The following STRIP2 variants were observed in gnomAD, a reference collection of about 807,000 sequenced individuals.
STRIP2 encodes striatin interacting protein 2.
STRIP2 carries 84 observed loss-of-function variants against 107.1 expected under a neutral mutation model. The ratio of observed to expected loss-of-function variants is 0.78; its 90% CI spans 0.66 to 0.94. The LOEUF (loss-of-function observed/expected upper bound fraction) is 0.94. Ranked by LOEUF, STRIP2 falls within the 40% of genes least tolerant of loss-of-function variation. The pLI is 0.00. For synonymous variants in STRIP2, 394 were observed against 400.4 expected (o/e 0.98, Z 0.19); for missense variants, 888 against 1,034.2 (o/e 0.86, Z 1.94).
At chr7:129,464,009 G>T in intron 14 of STRIP2, 35 bp from the exon 15 acceptor site, 2 of 1,560,074 alleles carry the variant, frequency 1.3e-6, no homozygotes, top group South Asian at 2.2e-5. Flanking sequence ...GAGTGGGTTT[G>T]ACAGTGGTAA....
chr7:129,456,101 A>G (rs1011449583), intron 8 of STRIP2, among the ~76,000 whole-genome samples: 3 of 143,126 alleles, frequency 2.1e-5, no homozygotes, highest in Admixed American at 1.4e-4. Flanking sequence ...CTGGGGGTTT[A>G]TAGCACCTGG....
chr7:129,480,485 T>C (rs1458125498), intron 18 of STRIP2, among the ~76,000 whole-genome samples: 1 of 152,236 alleles, frequency 6.6e-6, no homozygotes, highest in Non-Finnish European at 1.5e-5. Context: ...TTCTCTCATC[T>C]CTTTTCTGAT....
intron 2 of STRIP2, among the ~76,000 whole-genome samples, chr7:129,442,903 A>G (rs939704469): frequency 5.3e-5 from 8 of 152,216 alleles, no homozygotes; most frequent in African/African-American, 1.9e-4. Flanking sequence ...CAGAGATTTA[A>G]AGGAAATCTG....
At chr7:129,469,916 A>C (rs548477641) in intron 17 of STRIP2, among the ~76,000 whole-genome samples, 1 of 152,312 alleles carries the variant, frequency 6.6e-6, no homozygotes, top group African/African-American at 2.4e-5. Flanking sequence ...GGGGCATTAG[A>C]GATTAGCTAG....
intron 18 of STRIP2, among the ~76,000 whole-genome samples, chr7:129,472,009 A>AC (rs141670107): frequency 0.2 from 30,312 of 152,104 alleles, 3,898 homozygotes; most frequent in Non-Finnish European, 0.28. Flanking sequence ...TTTTACCCAC[A>AC]CTACAGAGAT....
intron 9 of STRIP2, among the ~76,000 whole-genome samples, chr7:129,457,050 T>A (rs1020131583): frequency 6.6e-6 from 1 of 152,222 alleles, no homozygotes; most frequent in Non-Finnish European, 1.5e-5. Flanking sequence ...CAGGAAGTTT[T>A]ACTGTCAGCC....
chr7:129,449,366 A>G (rs1798121505), intron 3 of STRIP2, among the ~76,000 whole-genome samples: 1 of 152,216 alleles, frequency 6.6e-6, no homozygotes, highest in Non-Finnish European at 1.5e-5. Flanking sequence ...ACTTTCGTCT[A>G]GTTATAGGTC....
At chr7:129,474,177 G>A (rs573361869) in intron 18 of STRIP2, among the ~76,000 whole-genome samples, 31 of 151,470 alleles carry the variant, frequency 2.0e-4, no homozygotes, top group Non-Finnish European at 4.4e-5. Flanking sequence ...GGGTCTCGAA[G>A]TTGCTCAGGC....
chr7:129,486,048 A>G lies in STRIP2; in HGVS notation c.*219A>G. On this transcript the variant is annotated 3_prime_UTR_variant, in exon 21 of 21. Coordinates refer to ENST00000249344, the MANE Select transcript of STRIP2 (RefSeq NM_020704.3). ...GTTGGCCTTGGAAATCTTTTGGTGG[A>G]TCAATTCTAGACAAGCTCTTTGGTA... 1 of 539,720 alleles carries G rather than the reference A, an allele frequency of 1.9e-6. No homozygotes were observed. The highest frequency in any genetic ancestry group is 2.2e-5 in the South Asian group (1 of 45,064). 33.4% of individuals were successfully genotyped at this position (539,720 alleles called of 1,614,324 possible).
chr7:129,482,425 T>C (rs1440323762), intron 19 of STRIP2, among the ~76,000 whole-genome samples: 1 of 142,610 alleles, frequency 7.0e-6, no homozygotes, highest in Non-Finnish European at 1.5e-5. Context: ...TCACTCAGGC[T>C]GTAGTGCAGT....
chr7:129,448,090 G>A (rs1284178414), intron 3 of STRIP2, among the ~76,000 whole-genome samples: 1 of 152,142 alleles, frequency 6.6e-6, no homozygotes, highest in Admixed American at 6.5e-5. Flanking sequence ...CCACTGTGGG[G>A]GTTCTGCCAG....
rs551901624 is a variant in STRIP2, at chr7:129,487,640, C to A, written c.*1811C>A. The A allele has an allele frequency of 6.6e-6, 1 of 152,280 alleles. No individual in the cohort carries two copies. Among genetic ancestry groups the A allele is most frequent in the South Asian group, 2.1e-4 (1 of 4,822 alleles). The allele number at this position is 152,280 out of a possible 1,614,324, so 9.4% of individuals were successfully genotyped here. The stretch of plus-strand genomic sequence containing the variant: ...TTTTTAAAATAATTTGTAAATTTTA[C>A]CTAAGTAGGACAGTAGTCCTTACTG... On this transcript the variant is annotated 3_prime_UTR_variant, in exon 21 of 21. Transcript: ENST00000249344.
intron 18 of STRIP2, among the ~76,000 whole-genome samples, chr7:129,474,509 G>A (rs914256314): frequency 1.3e-5 from 2 of 151,828 alleles, no homozygotes; most frequent in Non-Finnish European, 2.9e-5. Flanking sequence ...CCTAGAAGTG[G>A]AATTATTGGG....
intron 13 of STRIP2, among the ~76,000 whole-genome samples, chr7:129,462,139 G>A (rs143230867): frequency 5.8e-4 from 88 of 152,336 alleles, no homozygotes; most frequent in Middle Eastern, 6.8e-3. Flanking sequence ...TTGGTTTGAG[G>A]AGAGAGAAGA....
rs1008603956 is a variant in STRIP2, at chr7:129,454,676, T to C, written c.706+149T>C. The C allele has an allele frequency of 6.4e-6, 4 of 629,902 alleles. No individual in the cohort carries two copies. The Admixed American group carries it at 7.9e-5, about 12-fold the overall frequency. 39.0% of individuals were successfully genotyped at this position (629,902 alleles called of 1,614,324 possible). On this transcript the variant is annotated intron_variant, in intron 7 of 20. Coordinates refer to ENST00000249344, the MANE Select transcript of STRIP2 (RefSeq NM_020704.3). Reference sequence around the variant, plus strand: ...TTTCTTTTAGGACACAGATACTGCATGGCAGGCACAAGGGCTGGGCTTGAT... The same window carrying C: ...TTTCTTTTAGGACACAGATACTGCACGGCAGGCACAAGGGCTGGGCTTGAT...
intron 18 of STRIP2, among the ~76,000 whole-genome samples, chr7:129,471,794 G>C (rs1239962369): frequency 1.3e-5 from 2 of 152,104 alleles, no homozygotes; most frequent in African/African-American, 4.8e-5. Flanking sequence ...TGAGTCAAAA[G>C]ACCCATGTCC....
At chr7:129,437,170 G>T (rs2150983923) in intron 1 of STRIP2, among the ~76,000 whole-genome samples, 1 of 152,290 alleles carries the variant, frequency 6.6e-6, no homozygotes, top group South Asian at 2.1e-4. Context: ...CAGCATGATG[G>T]CTCATGCCTA....
At chr7:129,459,964 G>A (rs937944176) in intron 12 of STRIP2, among the ~76,000 whole-genome samples, 6 of 152,058 alleles carry the variant, frequency 3.9e-5, no homozygotes, top group African/African-American at 1.4e-4. Flanking sequence ...CCATGCATAC[G>A]TGCACACGCA....
chr7:129,482,333 T>TTCTCTCTC (rs61017071), intron 19 of STRIP2, among the ~76,000 whole-genome samples: 16 of 87,758 alleles, frequency 1.8e-4, no homozygotes, highest in South Asian at 4.5e-4. Flanking sequence ...AATGGAATAG[T>TTCTCTCTC]TCTCTCTCTC....
Sources: allele counts gnomAD v4.1 joint callset (sites outside exome capture counted in the v4.1 genomes callset), GRCh38; gene constraint gnomAD v4.1.1; transcripts MANE v1.5; gene names NCBI Gene and HGNC (gene_info 2026-07-23, HGNC 2026-07-21).